The following DENND6A variants were observed in gnomAD, a reference collection of about 807,000 sequenced individuals.
DENND6A encodes DENN domain containing 6A.
Under a neutral mutation model 95.5 loss-of-function variants are expected in DENND6A, and 43 were observed. The observed-to-expected ratio is 0.45, with a 90% CI of 0.35 to 0.58. The LOEUF is 0.58. Ranked by LOEUF, DENND6A falls within the 20% of genes least tolerant of loss-of-function variation. The probability of loss-of-function intolerance (pLI) is 0.00; values close to 1 mark genes in which losing one functional copy is unlikely to be tolerated. For missense variants in DENND6A, 574 were observed against 736.0 expected, an observed-to-expected ratio of 0.78 and a Z score of 2.55; for synonymous variants, 257 against 260.4, an observed-to-expected ratio of 0.99 and a Z score of 0.13.
intron 11 of DENND6A, among the ~76,000 whole-genome samples, chr3:57,644,403 T>C (rs1302525939): frequency 6.6e-6 from 1 of 151,716 alleles, no homozygotes; most frequent in Non-Finnish European, 1.5e-5. Flanking sequence ...CCTCCTAGGC[T>C]CAAGCCATCC....
intron 19 of DENND6A, among the ~76,000 whole-genome samples, 187 bp from the exon 20 acceptor site, chr3:57,628,532 G>C (rs996369519): frequency 1.3e-5 from 2 of 152,066 alleles, no homozygotes; most frequent in African/African-American, 4.8e-5. Context: ...TCAATAAAAG[G>C]CTTCTATGTA....
intron 7 of DENND6A, 48 bp from the exon 8 acceptor site, chr3:57,659,228 T>G: frequency 6.3e-7 from 1 of 1,589,404 alleles, no homozygotes; most frequent in Non-Finnish European, 8.6e-7. Flanking sequence ...GAATGGAGGA[T>G]GAGAAGTGCT....
chr3:57,659,267 G>T, intron 7 of DENND6A, 87 bp from the exon 8 acceptor site: 1 of 1,411,642 alleles, frequency 7.1e-7, no homozygotes, highest in Non-Finnish European at 9.9e-7. Flanking sequence ...GGTATGGTCA[G>T]TAATGCCAAA....
At chr3:57,644,091 A>G (rs1005365778) in intron 11 of DENND6A, among the ~76,000 whole-genome samples, 3 of 151,182 alleles carry the variant, frequency 2.0e-5, no homozygotes, top group Admixed American at 2.0e-4. Context: ...CGGAGGTTGC[A>G]GTAAACCAAG....
chr3:57,677,617 G>A, intron 1 of DENND6A, among the ~76,000 whole-genome samples: 1 of 151,692 alleles, frequency 6.6e-6, no homozygotes, highest in East Asian at 1.9e-4. Flanking sequence ...TAAATTTTCT[G>A]TAGATATGGA....
At chr3:57,663,980 C>T (rs1017627845) in intron 4 of DENND6A, among the ~76,000 whole-genome samples, 1 of 151,960 alleles carries the variant, frequency 6.6e-6, no homozygotes, top group Non-Finnish European at 1.5e-5. Context: ...AAAAAACCCT[C>T]CTAACTTGCC....
At chr3:57,638,717 T>C (rs142547567) in intron 12 of DENND6A, among the ~76,000 whole-genome samples, 48 of 152,020 alleles carry the variant, frequency 3.2e-4, no homozygotes, top group African/African-American at 1.0e-3. Flanking sequence ...AATGGAAAGA[T>C]ACTCAATATC....
chr3:57,634,602 G>T lies in DENND6A; in HGVS notation c.1219C>A (p.Pro407Thr). 1 of 1,465,640 alleles carries T rather than the reference G, an allele frequency of 6.8e-7. No homozygotes were observed. Among genetic ancestry groups the T allele is most frequent in the Non-Finnish European group, 9.1e-7 (1 of 1,092,930 alleles). The allele number at this position is 1,465,640 out of a possible 1,614,324, so 90.8% of individuals were successfully genotyped here. A position where few individuals can be genotyped will look rare whatever the true frequency, so the allele number is the denominator to read the frequency against. The change falls in exon 14 of 20, where the codon CCA becomes ACA. Residue 407 changes from proline to threonine, a missense_variant. By Grantham distance (38) the Pro-to-Thr change is conservative (BLOSUM62 -1). Around this residue, in one of 2 missense-constraint regions of DENND6A, gnomAD observed 452 missense variants for 630.9 expected, o/e 0.72. Transcript: ENST00000311128. The stretch of plus-strand genomic sequence containing the variant: ...ATCTCTTCATCTCTATTTAAATATG[G>T]CTTATATGAAGTATAAACTCCTAAG... Reference protein sequence around the residue: ...SKPGVYTSYKPYLNRDEEIIK... With the variant: ...SKPGVYTSYKTYLNRDEEIIK...
At chr3:57,646,192 T>A (rs1319332697) in intron 10 of DENND6A, 124 bp downstream of exon 10, 18 of 1,347,516 alleles carry the variant, frequency 1.3e-5, no homozygotes, top group Non-Finnish European at 1.7e-5. Flanking sequence ...GGTTTTTGCA[T>A]GGATCAATGC....
intron 17 of DENND6A, 36 bp downstream of exon 17, chr3:57,630,679 C>G (rs762870942): frequency 6.3e-7 from 1 of 1,582,032 alleles, no homozygotes; most frequent in South Asian, 1.2e-5. Context: ...AAATAAAGCA[C>G]GACACATGGG....
Position 57,693,031 on chromosome 3 carries a change from G to T in DENND6A, c.-13C>A, listed in dbSNP as rs1225154019. 2.1e-6 allele frequency: 3 copies of T among 1,398,340 alleles called. No individual in the cohort carries two copies. The highest frequency in any genetic ancestry group is 6.0e-5 in the East Asian group (2 of 33,494). 86.6% of individuals were successfully genotyped at this position (1,398,340 alleles called of 1,614,324 possible). A position where few individuals can be genotyped will look rare whatever the true frequency, so the allele number is the denominator to read the frequency against. On this transcript the variant is annotated 5_prime_UTR_variant, in exon 1 of 20. Coordinates refer to ENST00000311128, the MANE Select transcript of DENND6A (RefSeq NM_152678.3). ...CCCTCAAAGCCATCGGCCGCCCCCT[G>T]ACCGTTCGCGCCGCCTCCACAGCGG...
chr3:57,678,862 C>G lies in DENND6A; in HGVS notation c.238-6424G>C, dbSNP rs80028209. Among the ~76,000 whole-genome samples the G allele has an allele frequency of 5.1e-4, 78 of 152,368 alleles. 1 individual carries two copies. The East Asian group carries it at 8.3e-3, about 16-fold the overall frequency. ...ATGGCTTTTGCCAGTAATGCCAGCA[C>G]TTTGGGAGACCAAGGCAGGTAGATT... On this transcript the variant is annotated intron_variant, in intron 1 of 19. Transcript: ENST00000311128.
Position 57,634,727 on chromosome 3 carries a change from A to G in DENND6A, c.1175T>C (p.Leu392Pro), listed in dbSNP as rs1381634944. 6.4e-7 allele frequency: 1 copy of G among 1,571,744 alleles called. No homozygotes were observed. Among genetic ancestry groups the G allele is most frequent in the Non-Finnish European group, 8.6e-7 (1 of 1,159,058 alleles). Residue 392 changes from leucine to proline, a missense_variant, in exon 13 of 20, where the codon CTA (leucine) becomes CCA (proline). Leu to Pro is a moderately conservative substitution (Grantham distance 98). Transcript: ENST00000311128. ...ACCAGGTTTGGAATCCAGAGTCTTT[A>G]GATTCTTCAGTTTTTTCACTTTAAC... ...KQVKVKKLKN[L>P]KTLDSKPGVY...
chr3:57,641,411 G>A (rs1351375015), intron 12 of DENND6A, among the ~76,000 whole-genome samples: 1 of 145,836 alleles, frequency 6.9e-6, no homozygotes, highest in Non-Finnish European at 1.5e-5. Context: ...TTCTATAAGT[G>A]TTATATTATT....
At chr3:57,643,324 C>T (rs1469230107) in intron 11 of DENND6A, among the ~76,000 whole-genome samples, 3 of 151,956 alleles carry the variant, frequency 2.0e-5, no homozygotes, top group Non-Finnish European at 2.9e-5. Context: ...AAGAGGGAGA[C>T]AAAAATAATT....
intron 12 of DENND6A, among the ~76,000 whole-genome samples, chr3:57,635,644 G>A (rs548145939): frequency 1.5e-3 from 225 of 152,214 alleles, no homozygotes; most frequent in African/African-American, 5.1e-3. Flanking sequence ...AGATCAAACT[G>A]CTAATTGTGG....
intron 5 of DENND6A, 86 bp downstream of exon 5, chr3:57,663,550 C>A: frequency 1.3e-6 from 1 of 786,804 alleles, no homozygotes; most frequent in Non-Finnish European, 1.9e-6. Context: ...ATACCAAAGA[C>A]TTTAAAGACT....
chr3:57,668,310 C>T (rs867713018), intron 3 of DENND6A, among the ~76,000 whole-genome samples: 179 of 152,284 alleles, frequency 1.2e-3, no homozygotes, highest in African/African-American at 4.0e-3. Context: ...ATATTGTCTG[C>T]ATGTCAAGTC....
In DENND6A at chr3:57,661,554, G is replaced by A; in HGVS notation, c.514-3C>T. 2 of 1,569,050 alleles carry A rather than the reference G, an allele frequency of 1.3e-6. No homozygotes were observed. The highest frequency in any genetic ancestry group is 1.7e-6 in the Non-Finnish European group (2 of 1,168,042). On this transcript the variant is annotated splice_region_variant and splice_polypyrimidine_tract_variant and intron_variant, in intron 5 of 19. Transcript: ENST00000311128. ...AGTTTGCTGATCAAAACCAAGGACT[G>A]AGGAAAAAACAAAAACAATGTTTTA... is the stretch of plus-strand genomic sequence containing the variant.
Sources: allele counts gnomAD v4.1 joint callset (sites outside exome capture counted in the v4.1 genomes callset), GRCh38; gene constraint gnomAD v4.1.1; regional missense constraint gnomAD v4.1.1; transcripts MANE v1.5; gene names NCBI Gene and HGNC (gene_info 2026-07-23, HGNC 2026-07-21).